GRXCR2: variants seen among roughly 807,000 people sequenced by gnomAD.
GRXCR2 encodes glutaredoxin domain-containing cysteine-rich protein 2.
A neutral mutation model predicts 24.8 loss-of-function variants in GRXCR2; 23 were observed. That is an observed-to-expected ratio of 0.93 (90% CI 0.67 to 1.32). The LOEUF (loss-of-function observed/expected upper bound fraction) is 1.32, where lower values mean the gene tolerates loss of function less well. Among genes scored for constraint, GRXCR2 ranks in the 40% most tolerant of loss-of-function variants. The pLI is 0.00. For synonymous variants in GRXCR2, 130 were observed against 116.1 expected (o/e 1.12, Z -0.77); for missense variants, 315 against 303.4 (o/e 1.04, Z -0.28).
At position 145,872,923 on chromosome 5, in the gene GRXCR2, G is replaced by A; in HGVS notation, c.46C>T (p.Pro16Ser). 6.2e-7 allele frequency: 1 copy of A among 1,614,166 alleles called. No individual in the cohort carries two copies. The change falls in exon 1 of 3, where the codon CCC becomes TCC. Residue 16 changes from proline to serine, a missense_variant. Pro to Ser is a moderately conservative substitution (Grantham distance 74). Transcript: ENST00000377976. ...KKLNQKSDGKPRKVRFKISSS... is the reference protein window; with the variant it reads ...KKLNQKSDGKSRKVRFKISSS... ...GAGATTTTAAATCGTACTTTCCGGG[G>A]TTTGCCATCACTCTTCTGATTCAGC...
At chr5:145,920,962 T>C (rs1432744029) in intron 2 of GRXCR2, among the ~76,000 whole-genome samples, 2 of 152,184 alleles carry the variant, frequency 1.3e-5, no homozygotes, top group Non-Finnish European at 2.9e-5. Flanking sequence ...AGACACCAAA[T>C]CTGTCAGCCC....
chr5:145,900,281 C>T (rs1191791111), intron 2 of GRXCR2, among the ~76,000 whole-genome samples: 1 of 152,110 alleles, frequency 6.6e-6, no homozygotes, highest in Non-Finnish European at 1.5e-5. Flanking sequence ...TCCCCCTTCA[C>T]TCTCTTCCTC....
intron 2 of GRXCR2, among the ~76,000 whole-genome samples, chr5:145,898,835 G>A (rs749904463): frequency 2.0e-4 from 30 of 152,066 alleles, no homozygotes; most frequent in Non-Finnish European, 3.4e-4. Context: ...GGCAGAAACT[G>A]GAAGCATTCC....
intron 2 of GRXCR2, among the ~76,000 whole-genome samples, chr5:145,920,347 G>A (rs1411804136): frequency 1.3e-5 from 2 of 152,184 alleles, no homozygotes; most frequent in Non-Finnish European, 2.9e-5. Flanking sequence ...GTGGGGATGG[G>A]CCCAGCAATC....
intron 2 of GRXCR2, among the ~76,000 whole-genome samples, chr5:145,930,965 T>C (rs1214336400): frequency 6.6e-6 from 1 of 152,214 alleles, no homozygotes; most frequent in African/African-American, 2.4e-5. Context: ...TCTGTCTATC[T>C]AGCAACTGGC....
chr5:145,906,893 A>AAGCATGGGC (rs372057845), intron 2 of GRXCR2, among the ~76,000 whole-genome samples: 36,504 of 152,138 alleles, frequency 0.24, 7,129 homozygotes, highest in African/African-American at 0.53. Context: ...GGGAGGGAAC[A>AAGCATGGGC]TGGAAGCAAG....
At chr5:145,889,234 A>AAGAAAGAAAGAAAGAG (rs1756827187) in intron 2 of GRXCR2, among the ~76,000 whole-genome samples, 1 of 149,964 alleles carries the variant, frequency 6.7e-6, no homozygotes. Flanking sequence ...GAAAGAAAGA[A>AAGAAAGAAAGAAAGAG]AGAAAGAAAG....
chr5:145,866,487 G>T lies in GRXCR2; in HGVS notation c.564+14C>A, dbSNP rs1463080725. ...GGCCAGCTCCGAGCAGGACAGTCAA[G>T]CTCCCCAACGCACCTGTGTATACCG... On this transcript the variant is annotated intron_variant, in intron 2 of 2. Coordinates refer to ENST00000377976, the MANE Select transcript of GRXCR2 (RefSeq NM_001080516.2). 14 of 1,595,814 alleles carry T rather than the reference G, an allele frequency of 8.8e-6. No homozygotes were observed. The highest frequency in any genetic ancestry group is 1.2e-5 in the Non-Finnish European group (14 of 1,163,918).
At chr5:145,918,082 G>A (rs1237218693) in intron 2 of GRXCR2, among the ~76,000 whole-genome samples, 3 of 152,128 alleles carry the variant, frequency 2.0e-5, no homozygotes, top group Non-Finnish European at 4.4e-5. Flanking sequence ...TCGGCCGGCT[G>A]AACTCATTAG....
chr5:145,860,263 C>A (rs1233373685), intron 2 of GRXCR2, among the ~76,000 whole-genome samples: 1 of 152,132 alleles, frequency 6.6e-6, no homozygotes, highest in Non-Finnish European at 1.5e-5. Context: ...TACAAGTGAA[C>A]CCTTGTAGCA....
intron 2 of GRXCR2, among the ~76,000 whole-genome samples, chr5:145,885,513 C>A (rs987455462): frequency 2.0e-5 from 3 of 152,144 alleles, no homozygotes; most frequent in African/African-American, 7.2e-5. Context: ...AGGGGCTCTG[C>A]TTAGAAAGTA....
At chr5:145,866,387 A>G in intron 2 of GRXCR2, 114 bp downstream of exon 2, 1 of 663,790 alleles carries the variant, frequency 1.5e-6, no homozygotes, top group Non-Finnish European at 2.7e-6. Flanking sequence ...AAGTTTAGGT[A>G]TCTTAAGTAT....
upstream of GRXCR2, among the ~76,000 whole-genome samples, chr5:145,876,179 A>G (rs1476285464): frequency 7.1e-5 from 8 of 113,410 alleles, no homozygotes; most frequent in Non-Finnish European, 1.1e-4. Context: ...AAAAAATTGT[A>G]TGTGTGTGTG....
intron 2 of GRXCR2, among the ~76,000 whole-genome samples, chr5:145,907,676 T>G (rs986663479): frequency 6.6e-6 from 1 of 152,040 alleles, no homozygotes; most frequent in Non-Finnish European, 1.5e-5. Flanking sequence ...GTTTTGAAGG[T>G]AAAAGCCAAT....
intron 2 of GRXCR2, among the ~76,000 whole-genome samples, chr5:145,893,674 A>T (rs1756904361): frequency 6.6e-6 from 1 of 152,142 alleles, no homozygotes; most frequent in African/African-American, 2.4e-5. Context: ...ACTCCCACAC[A>T]ATAATAATGG....
intron 2 of GRXCR2, among the ~76,000 whole-genome samples, chr5:145,897,629 C>G (rs1485142296): frequency 6.6e-6 from 1 of 151,994 alleles, no homozygotes; most frequent in Non-Finnish European, 1.5e-5. Flanking sequence ...ACACTCAGAC[C>G]ACAGTGGAAT....
At chr5:145,885,139 CTGTG>C (rs1479612839) in intron 2 of GRXCR2, among the ~76,000 whole-genome samples, 1 of 150,178 alleles carries the variant, frequency 6.7e-6, no homozygotes, top group Non-Finnish European at 1.5e-5. Flanking sequence ...GTCTGTCTGT[CTGTG>C]TGTATTTAAA....
At position 145,866,676 on chromosome 5, in the gene GRXCR2, T is replaced by C. The variant is rs777426348; in HGVS notation, c.389A>G (p.Lys130Arg). 2 of 1,613,808 alleles carry C rather than the reference T, an allele frequency of 1.2e-6. No homozygotes were observed. The highest frequency in any genetic ancestry group is 8.5e-7 in the Non-Finnish European group (1 of 1,179,666). Residue 130 changes from lysine (K) to arginine (R), a missense_variant, in exon 2 of 3, where the codon AAA (lysine) becomes AGA (arginine). By Grantham distance (26) the Lys-to-Arg change is conservative. Transcript: ENST00000377976. ...CTTGTCCATTGGGGTTCGAATGATT[T>C]TCAGGTTATTAGTGTAGATGATTAT... Reference protein sequence around the residue: ...GKIIIYTNNLKIIRTPMDKRD... With the variant: ...GKIIIYTNNLRIIRTPMDKRD...
chr5:145,893,091 T>C (rs1245459577), intron 2 of GRXCR2, among the ~76,000 whole-genome samples: 2 of 152,172 alleles, frequency 1.3e-5, no homozygotes, highest in African/African-American at 4.8e-5. Flanking sequence ...CTGAGAGATT[T>C]TGTCACCACC....
Sources: gnomAD v4.1 joint callset for allele counts (sites outside exome capture counted in the v4.1 genomes callset) on GRCh38, gnomAD v4.1.1 for gene constraint, MANE v1.5 for transcripts, NCBI Gene and HGNC (gene_info 2026-07-23, HGNC 2026-07-21) for gene names.